CRACD: variants seen among roughly 807,000 people sequenced by gnomAD.
The protein encoded by CRACD is capping protein-inhibiting regulator of actin dynamics.
Under a neutral mutation model 106.8 loss-of-function variants are expected in CRACD, and 56 were observed. That is an observed-to-expected ratio of 0.52 (90% CI 0.42 to 0.66). CRACD has a LOEUF of 0.66. Among genes scored for constraint, CRACD ranks in the 30% least tolerant of loss-of-function variants. CRACD has a pLI of 0.00. For synonymous variants in CRACD, 754 were observed against 670.8 expected (o/e 1.12, Z -1.92); for missense variants, 1,730 against 1,623.2 (o/e 1.07, Z -1.13).
At chr4:56,298,118 A>G in intron 3 of CRACD, 96 bp from the exon 4 acceptor site, 1 of 1,314,074 alleles carries the variant, frequency 7.6e-7, no homozygotes, top group African/African-American at 1.5e-5. Context: ...GAGACTGGGA[A>G]TGTGGGTGGA....
In CRACD at chr4:56,152,238, C is replaced by T. The variant is rs1467795501; in HGVS notation, c.-335-27046C>T. 5.3e-5 allele frequency among the ~76,000 whole-genome samples: 8 copies of T among 151,386 alleles called. 1 individual carries two copies. The South Asian group carries it at 8.3e-4, about 16-fold the overall frequency. On this transcript the variant is annotated intron_variant, in intron 1 of 10. Transcript: ENST00000682029. ...TTCACTGTGTTAGCCAGGATGGTCTCGATCTCCTGACCTCGTGATCCACCC... is the reference window on the plus strand; with the variant it reads ...TTCACTGTGTTAGCCAGGATGGTCTTGATCTCCTGACCTCGTGATCCACCC...
chr4:56,232,505 G>A (rs533086017), intron 2 of CRACD, among the ~76,000 whole-genome samples: 2 of 152,152 alleles, frequency 1.3e-5, no homozygotes, highest in East Asian at 3.9e-4. Flanking sequence ...ATACCTAGGA[G>A]TGAAATGGCT....
At chr4:56,121,306 TG>T (rs1431715453) in intron 1 of CRACD, among the ~76,000 whole-genome samples, 1 of 152,216 alleles carries the variant, frequency 6.6e-6, no homozygotes, top group Non-Finnish European at 1.5e-5. Flanking sequence ...AATATTTCAC[TG>T]TTTTAAATGC....
At chr4:56,183,286 A>AAAATAAAAT (rs1491578533) in intron 2 of CRACD, among the ~76,000 whole-genome samples, 1 of 145,570 alleles carries the variant, frequency 6.9e-6, no homozygotes, top group African/African-American at 2.8e-5. Flanking sequence ...AAAATAAAAT[A>AAAATAAAAT]AAAAGAATTA....
rs138179432 is a variant in CRACD at position 56,063,624 on chromosome 4, T to C, written c.-336+14325T>C. 7.2e-4 allele frequency among the ~76,000 whole-genome samples: 109 copies of C among 152,306 alleles called. 1 individual carries two copies. Among genetic ancestry groups the C allele is most frequent in the African/African-American group, 2.5e-3 (104 of 41,578 alleles). ...TGCCTATTGTATAACTGGGATCTCA[T>C]GTAAGTGGGATCGTAGAATGTTTGG... On this transcript the variant is annotated intron_variant, in intron 1 of 10. Transcript: ENST00000682029.
At chr4:56,243,313 G>A (rs1279492127) in intron 2 of CRACD, among the ~76,000 whole-genome samples, 1 of 152,184 alleles carries the variant, frequency 6.6e-6, no homozygotes, top group African/African-American at 2.4e-5. Context: ...AGGAGATAGT[G>A]ATCAACCAAA....
At chr4:56,168,118 A>G (rs1016482486) in intron 1 of CRACD, among the ~76,000 whole-genome samples, 1 of 152,152 alleles carries the variant, frequency 6.6e-6, no homozygotes, top group African/African-American at 2.4e-5. Context: ...AGAAGTAGAG[A>G]GTATAGACAA....
chr4:56,315,182 C>G lies in CRACD; in HGVS notation c.1680C>G (p.Pro560=). ...FPKVNLSPVT[P]AKDTGLTAAP... Reference sequence around the variant, plus strand: ...AAGTCAACCTGAGCCCCGTGACGCCCGCAAAGGACACGGGGCTCACCGCTG... The same window carrying G: ...AAGTCAACCTGAGCCCCGTGACGCCGGCAAAGGACACGGGGCTCACCGCTG... Residue 560 remains proline, a synonymous_variant, in exon 8 of 11, where the codon CCC becomes CCG. Transcript: ENST00000682029. This position sits in a 1 kb window ranked among gnomAD's most constrained non-coding sequence, Gnocchi z 4.1. 1 of 1,597,170 alleles carries G rather than the reference C, an allele frequency of 6.3e-7. No individual in the cohort carries two copies. Among genetic ancestry groups the G allele is most frequent in the Non-Finnish European group, 8.5e-7 (1 of 1,172,416 alleles).
chr4:56,249,740 G>A (rs541900724), intron 2 of CRACD, among the ~76,000 whole-genome samples: 14 of 152,106 alleles, frequency 9.2e-5, no homozygotes, highest in African/African-American at 1.9e-4. Context: ...CCCACCTGCC[G>A]AGTTTTGTGT....
intron 6 of CRACD, among the ~76,000 whole-genome samples, chr4:56,311,878 G>A (rs1490997526): frequency 6.6e-6 from 1 of 152,108 alleles, no homozygotes; most frequent in African/African-American, 2.4e-5. Context: ...TTCTCTGTAG[G>A]TACAGGCGTG....
intron 2 of CRACD, among the ~76,000 whole-genome samples, chr4:56,208,624 A>G (rs913491987): frequency 1.3e-5 from 2 of 152,226 alleles, no homozygotes; most frequent in Admixed American, 1.3e-4. Flanking sequence ...AGAAGGTTAA[A>G]CATCATTTAT....
Position 56,309,860 on chromosome 4 carries a change from A to AAT in CRACD, c.286-794_286-793dup, listed in dbSNP as rs1553919642. On this transcript the variant is annotated intron_variant, in intron 5 of 10. Coordinates refer to ENST00000682029, the MANE Select transcript of CRACD (RefSeq NM_001393381.1). ...CAGAGCAAGACTTTGTCTCAAAAAA[A>AAT]ATATATATATATAAAGTAAAAAGTT... is the stretch of plus-strand genomic sequence containing the variant. Among the ~76,000 whole-genome samples, 18 of 151,634 alleles carry AAT rather than the reference A, an allele frequency of 1.2e-4. 1 individual carries two copies. The highest frequency in any genetic ancestry group is 5.2e-4 in the Admixed American group (8 of 15,244).
chr4:56,314,410 C>CGGAGCGTAGGGAGCGGAG lies in CRACD; in HGVS notation c.914_915insTAGGGAGCGGAGGGAGCG (p.Arg308_Glu309insArgGluArgArgGluArg). Reference sequence around the variant, plus strand: ...CTGGAAGCGCCAGGTTGGGAGGACGCGGAGCGGAGGGAGCGTGAGGAGCGC... The same window carrying CGGAGCGTAGGGAGCGGAG: ...CTGGAAGCGCCAGGTTGGGAGGACGCGGAGCGTAGGGAGCGGAGGGAGCGGAGGGAGCGTGAGGAGCGC... On this transcript the variant is annotated inframe_insertion, in exon 8 of 11. Coordinates refer to ENST00000682029, the MANE Select transcript of CRACD (RefSeq NM_001393381.1). The surrounding 1 kb of genome is among the most constrained non-coding windows in gnomAD (Gnocchi z 4.4). 2 of 1,540,992 alleles carry CGGAGCGTAGGGAGCGGAG rather than the reference C, an allele frequency of 1.3e-6. No individual in the cohort carries two copies. Among genetic ancestry groups the CGGAGCGTAGGGAGCGGAG allele is most frequent in the Non-Finnish European group, 1.7e-6 (2 of 1,143,526 alleles).
At chr4:56,156,831 G>A (rs1218751463) in intron 1 of CRACD, among the ~76,000 whole-genome samples, 1 of 152,154 alleles carries the variant, frequency 6.6e-6, no homozygotes. Flanking sequence ...TATCCTTTGG[G>A]TTATTGTGAG....
chr4:56,312,355 G>A (rs557654355), intron 6 of CRACD, among the ~76,000 whole-genome samples: 1 of 152,216 alleles, frequency 6.6e-6, no homozygotes, highest in South Asian at 2.1e-4. Flanking sequence ...TAGAGATGGG[G>A]TTTTGCCATG....
chr4:56,174,174 A>G (rs1353298122), intron 1 of CRACD, among the ~76,000 whole-genome samples: 2 of 152,180 alleles, frequency 1.3e-5, no homozygotes, highest in Non-Finnish European at 2.9e-5. Context: ...TTTAATGGAT[A>G]CATAATAGTT....
At chr4:56,320,474 A>T (rs1270356254) in intron 8 of CRACD, among the ~76,000 whole-genome samples, 2 of 152,144 alleles carry the variant, frequency 1.3e-5, no homozygotes, top group Non-Finnish European at 2.9e-5. Context: ...GTAATAAGAG[A>T]TTTTACTGTG....
chr4:56,231,642 G>A (rs2109536290), intron 2 of CRACD, among the ~76,000 whole-genome samples: 1 of 152,316 alleles, frequency 6.6e-6, no homozygotes, highest in Non-Finnish European at 1.5e-5. Context: ...ATGCAAAGTA[G>A]CAATGGTAAT....
chr4:56,267,640 T>C lies in CRACD; in HGVS notation c.-188-4681T>C, dbSNP rs1469140855. Among the ~76,000 whole-genome samples, 10 of 152,212 alleles carry C rather than the reference T, an allele frequency of 6.6e-5. No homozygotes were observed. The East Asian group carries it at 7.7e-4, about 12-fold the overall frequency. Reference sequence around the variant, plus strand: ...TCTTTTTTTCTTACGGTAAGAAGAATTGGTTGTTGGGTGGAGAATCCAGTT... The same window carrying C: ...TCTTTTTTTCTTACGGTAAGAAGAACTGGTTGTTGGGTGGAGAATCCAGTT... On this transcript the variant is annotated intron_variant, in intron 2 of 10. Transcript: ENST00000682029.
Sources: allele counts gnomAD v4.1 joint callset (sites outside exome capture counted in the v4.1 genomes callset), GRCh38; gene constraint gnomAD v4.1.1; non-coding constraint Gnocchi (gnomAD v3.1); transcripts MANE v1.5; gene names NCBI Gene and HGNC (gene_info 2026-07-23, HGNC 2026-07-21).